The following CDH13 variants were observed in gnomAD, a reference collection of about 807,000 sequenced individuals.
CDH13 encodes the protein cadherin-13.
A neutral mutation model predicts 63.8 loss-of-function variants in CDH13; 24 were observed. The ratio of observed to expected loss-of-function variants is 0.38; its 90% CI spans 0.27 to 0.53. The LOEUF is 0.53. Among genes scored for constraint, CDH13 ranks in the 20% least tolerant of loss-of-function variants. The pLI is 0.85. For synonymous variants in CDH13, 503 were observed against 355.3 expected, an observed-to-expected ratio of 1.42 and a Z score of -4.67; for missense variants, 1,049 against 903.1, an observed-to-expected ratio of 1.16 and a Z score of -2.07.
chr16:83,374,496 C>A (rs1210693599), intron 6 of CDH13, among the ~76,000 whole-genome samples: 1 of 152,140 alleles, frequency 6.6e-6, no homozygotes, highest in Non-Finnish European at 1.5e-5. Context: ...CTAAATAGTG[C>A]AACATCTACG....
chr16:83,545,056 T>A (rs141286866), intron 7 of CDH13, among the ~76,000 whole-genome samples: 1 of 152,226 alleles, frequency 6.6e-6, no homozygotes, highest in Non-Finnish European at 1.5e-5. Context: ...TTTATTCTGT[T>A]CATCTCCTTC....
At chr16:83,539,281 C>T (rs1055944759) in intron 7 of CDH13, among the ~76,000 whole-genome samples, 4 of 152,234 alleles carry the variant, frequency 2.6e-5, no homozygotes, top group Middle Eastern at 3.4e-3. Flanking sequence ...ATCCCTCACA[C>T]GTGCAGTTCA....
chr16:82,861,049 C>T (rs956182668), intron 2 of CDH13, among the ~76,000 whole-genome samples: 1 of 152,184 alleles, frequency 6.6e-6, no homozygotes, highest in African/African-American at 2.4e-5. Context: ...GAAGACTCTA[C>T]TGGCACAAGG....
intron 1 of CDH13, among the ~76,000 whole-genome samples, chr16:82,788,586 C>G (rs1351756317): frequency 6.6e-6 from 1 of 152,224 alleles, no homozygotes; most frequent in African/African-American, 2.4e-5. Context: ...TCTGACAACT[C>G]TAATCTTGGA....
intron 7 of CDH13, among the ~76,000 whole-genome samples, chr16:83,489,037 C>A (rs895484085): frequency 6.6e-6 from 1 of 152,132 alleles, no homozygotes; most frequent in Non-Finnish European, 1.5e-5. Flanking sequence ...CACACACATG[C>A]CAGCTTTTCT....
At chr16:83,599,760 A>G (rs1907605042) in intron 7 of CDH13, among the ~76,000 whole-genome samples, 1 of 152,198 alleles carries the variant, frequency 6.6e-6, no homozygotes, top group Non-Finnish European at 1.5e-5. Context: ...AATCTCTTCA[A>G]TATTGGGGGA....
intron 2 of CDH13, among the ~76,000 whole-genome samples, chr16:82,985,476 C>T (rs776964487): frequency 5.3e-5 from 8 of 152,150 alleles, no homozygotes; most frequent in Non-Finnish European, 1.0e-4. Flanking sequence ...CAACTGTATT[C>T]ATTAGACATA....
intron 8 of CDH13, among the ~76,000 whole-genome samples, chr16:83,646,575 C>A (rs942455392): frequency 6.6e-6 from 1 of 151,386 alleles, no homozygotes; most frequent in African/African-American, 2.4e-5. Context: ...GGTGGCGCAT[C>A]CCTGTAGTCC....
intron 5 of CDH13, among the ~76,000 whole-genome samples, chr16:83,244,080 G>A (rs1389678595): frequency 1.3e-5 from 2 of 151,854 alleles, no homozygotes; most frequent in South Asian, 2.1e-4. Context: ...CATAGGTGTC[G>A]AGCTTTCTGC....
chr16:83,560,704 T>G (rs1401897494), intron 7 of CDH13, among the ~76,000 whole-genome samples: 1 of 152,270 alleles, frequency 6.6e-6, no homozygotes, highest in African/African-American at 2.4e-5. Context: ...GTTACTTAGC[T>G]TCTTTCTCTG....
chr16:82,873,941 C>T (rs190943667), intron 2 of CDH13, among the ~76,000 whole-genome samples: 4 of 152,198 alleles, frequency 2.6e-5, no homozygotes, highest in Admixed American at 2.6e-4. Flanking sequence ...CTCACTCATG[C>T]TTGGTCTCTT....
At chr16:83,253,717 AG>A (rs1469235654) in intron 5 of CDH13, among the ~76,000 whole-genome samples, 1 of 152,220 alleles carries the variant, frequency 6.6e-6, no homozygotes, top group African/African-American at 2.4e-5. Context: ...ATGCTTAGAC[AG>A]GGGCTGGCAC....
intron 6 of CDH13, among the ~76,000 whole-genome samples, chr16:83,442,415 A>G (rs1460431042): frequency 6.6e-6 from 1 of 152,188 alleles, no homozygotes; most frequent in African/African-American, 2.4e-5. Context: ...AAGACCCATC[A>G]TTAAAGAGCA....
At chr16:82,997,163 A>T (rs545245088) in intron 2 of CDH13, among the ~76,000 whole-genome samples, 1 of 146,658 alleles carries the variant, frequency 6.8e-6, no homozygotes, top group East Asian at 2.0e-4. Flanking sequence ...TGGTGATGAT[A>T]GTGATGGTGA....
chr16:82,858,279 T>G (rs2151165812), intron 1 of CDH13, 83 bp from the exon 2 acceptor site: 1 of 810,426 alleles, frequency 1.2e-6, no homozygotes, highest in Non-Finnish European at 2.1e-6. Context: ...TCAGCTTGTT[T>G]CTAAAAGTTG....
intron 2 of CDH13, among the ~76,000 whole-genome samples, chr16:82,872,142 A>C (rs2040363688): frequency 6.6e-6 from 1 of 152,218 alleles, no homozygotes; most frequent in Non-Finnish European, 1.5e-5. Flanking sequence ...ATTAAGTACT[A>C]ACGTCTTATG....
intron 2 of CDH13, among the ~76,000 whole-genome samples, chr16:82,881,054 C>T (rs560143097): frequency 4.6e-5 from 7 of 152,206 alleles, no homozygotes; most frequent in Non-Finnish European, 8.8e-5. Context: ...TGCGTGGATG[C>T]CATTAGTATT....
Position 83,543,722 on chromosome 16 carries a change from C to T in CDH13, c.960+57067C>T, listed in dbSNP as rs138290365. On this transcript the variant is annotated intron_variant, in intron 7 of 13. Coordinates refer to ENST00000567109, the MANE Select transcript of CDH13 (RefSeq NM_001257.5). Reference sequence around the variant, plus strand: ...TGTATTCCCATTCCCCAGCTGGGACCAGCGGGTATGCTGCTCTCATCTAAT... The same window carrying T: ...TGTATTCCCATTCCCCAGCTGGGACTAGCGGGTATGCTGCTCTCATCTAAT... Among the ~76,000 whole-genome samples, 4 of 152,272 alleles carry T rather than the reference C, an allele frequency of 2.6e-5. No homozygotes were observed. The East Asian group carries it at 7.7e-4, about 29-fold the overall frequency.
chr16:83,362,996 A>C (rs2091191365), intron 6 of CDH13, among the ~76,000 whole-genome samples: 2 of 152,226 alleles, frequency 1.3e-5, no homozygotes, highest in African/African-American at 2.4e-5. Flanking sequence ...CAGTCCGGCT[A>C]TGCCTTGTCC....
Sources: allele counts gnomAD v4.1 joint callset (sites outside exome capture counted in the v4.1 genomes callset), GRCh38; gene constraint gnomAD v4.1.1; transcripts MANE v1.5; gene names NCBI Gene and HGNC (gene_info 2026-07-23, HGNC 2026-07-21).